CCDC178: variants seen among roughly 807,000 people sequenced by gnomAD.
CCDC178 encodes the protein coiled-coil domain-containing protein 178.
CCDC178 carries 126 observed loss-of-function variants against 117.4 expected under a neutral mutation model. That is an observed-to-expected ratio of 1.07 (90% CI 0.93 to 1.24). The LOEUF (loss-of-function observed/expected upper bound fraction) is 1.24. Among genes scored for constraint, CCDC178 ranks in the 50% most tolerant of loss-of-function variants. The pLI is 0.00. For missense variants in CCDC178, 1,030 were observed against 986.9 expected, an observed-to-expected ratio of 1.04 and a Z score of -0.59; for synonymous variants, 283 against 313.4, an observed-to-expected ratio of 0.90 and a Z score of 1.02.
chr18:32,973,200 A>C (rs2054964494), intron 22 of CCDC178, among the ~76,000 whole-genome samples: 1 of 152,312 alleles, frequency 6.6e-6, no homozygotes, highest in South Asian at 2.1e-4. Flanking sequence ...ATTTCTAATG[A>C]CATTTTTAAT....
intron 5 of CCDC178, among the ~76,000 whole-genome samples, chr18:33,387,181 C>G (rs909116385): frequency 2.0e-5 from 3 of 152,086 alleles, no homozygotes; most frequent in Non-Finnish European, 4.4e-5. Context: ...AGGAGTACTA[C>G]AAACCACTGC....
intron 21 of CCDC178, among the ~76,000 whole-genome samples, chr18:33,008,192 A>G (rs1048712131): frequency 6.6e-6 from 1 of 152,146 alleles, no homozygotes; most frequent in African/African-American, 2.4e-5. Flanking sequence ...CAAGTTTTCA[A>G]TCCCCAAGCC....
intron 21 of CCDC178, among the ~76,000 whole-genome samples, chr18:33,049,641 T>C (rs535744904): frequency 6.6e-6 from 1 of 152,322 alleles, no homozygotes. Flanking sequence ...GAGTGTTTGA[T>C]AAACACTGTT....
chr18:32,983,762 A>G (rs1173130170), intron 21 of CCDC178, among the ~76,000 whole-genome samples: 1 of 152,064 alleles, frequency 6.6e-6, no homozygotes, highest in Non-Finnish European at 1.5e-5. Context: ...TCAATTTCTG[A>G]CAGATAGATA....
intron 14 of CCDC178, among the ~76,000 whole-genome samples, chr18:33,262,746 G>A (rs66840695): frequency 0.067 from 10,253 of 152,142 alleles, 517 homozygotes; most frequent in African/African-American, 0.14. Flanking sequence ...CATCTTATCT[G>A]TGCCCCAAAA....
chr18:33,401,233 T>C lies in CCDC178; in HGVS notation c.59-4025A>G, dbSNP rs1289130869. ...TTGCAGGAAGTATTAAAATGTGACATTGATACATGAAGTTTTTCTACATGT... is the reference window on the plus strand; with the variant it reads ...TTGCAGGAAGTATTAAAATGTGACACTGATACATGAAGTTTTTCTACATGT... On this transcript the variant is annotated intron_variant, in intron 3 of 22. Coordinates refer to ENST00000383096, the MANE Select transcript of CCDC178 (RefSeq NM_001105528.4). Among the ~76,000 whole-genome samples the C allele has an allele frequency of 2.0e-5, 3 of 152,342 alleles. No homozygotes were observed. The East Asian group carries it at 5.8e-4, about 29-fold the overall frequency.
At chr18:33,379,444 G>A (rs748443147) in intron 5 of CCDC178, among the ~76,000 whole-genome samples, 9 of 151,990 alleles carry the variant, frequency 5.9e-5, no homozygotes, top group Non-Finnish European at 1.2e-4. Context: ...ACTGGGAGAA[G>A]CTCTTTTTTT....
At chr18:33,333,126 C>T (rs995464101) in intron 10 of CCDC178, 48 bp downstream of exon 10, 3 of 1,189,320 alleles carry the variant, frequency 2.5e-6, no homozygotes, top group African/African-American at 3.1e-5. Context: ...AAAGTTTTTG[C>T]ATAACTAAGT....
chr18:33,122,175 G>T (rs1251082586), intron 20 of CCDC178, among the ~76,000 whole-genome samples: 1 of 152,072 alleles, frequency 6.6e-6, no homozygotes, highest in Non-Finnish European at 1.5e-5. Context: ...TATACATTTT[G>T]CAAAAAGCTA....
chr18:33,189,669 G>A (rs932355994), intron 20 of CCDC178, among the ~76,000 whole-genome samples: 2 of 152,132 alleles, frequency 1.3e-5, no homozygotes, highest in African/African-American at 2.4e-5. Context: ...ATCAGAAGAA[G>A]TATTTGCAAT....
At chr18:33,162,459 G>T (rs531999167) in intron 20 of CCDC178, among the ~76,000 whole-genome samples, 1 of 151,928 alleles carries the variant, frequency 6.6e-6, no homozygotes, top group Admixed American at 6.6e-5. Flanking sequence ...TTAGGTTCAG[G>T]GTTACATGTA....
At chr18:33,438,287 C>T (rs890888055) in intron 2 of CCDC178, among the ~76,000 whole-genome samples, 3 of 152,104 alleles carry the variant, frequency 2.0e-5, no homozygotes, top group Admixed American at 6.5e-5. Context: ...TCAGCATCCC[C>T]ATGTCAACAA....
chr18:32,943,741 T>C (rs191024929), intron 22 of CCDC178, among the ~76,000 whole-genome samples: 2 of 152,310 alleles, frequency 1.3e-5, no homozygotes, highest in Admixed American at 1.3e-4. Context: ...TGATTACAGA[T>C]ATTCTGAAAT....
intron 2 of CCDC178, 74 bp from the exon 3 acceptor site, chr18:33,412,184 A>G: frequency 1.8e-6 from 1 of 570,406 alleles, no homozygotes; most frequent in Non-Finnish European, 3.0e-6. Context: ...AAAATTGTCA[A>G]TTCAAGAACT....
In CCDC178 at chr18:33,193,264, C is replaced by CA. The variant is rs59092607; in HGVS notation, c.2238+18631dup. On this transcript the variant is annotated intron_variant, in intron 20 of 22. Coordinates refer to ENST00000383096, the MANE Select transcript of CCDC178 (RefSeq NM_001105528.4). Reference sequence around the variant, plus strand: ...GGCAACAGAGCGAGACTCCGTCTCACAAAAAAAAAAAAAAAAAAAAAAAAA... The same window carrying CA: ...GGCAACAGAGCGAGACTCCGTCTCACAAAAAAAAAAAAAAAAAAAAAAAAAA... Among the ~76,000 whole-genome samples the CA allele has an allele frequency of 3.2e-4, 25 of 77,178 alleles. 1 individual carries two copies. Among genetic ancestry groups the CA allele is most frequent in the East Asian group, 1.8e-3 (4 of 2,170 alleles). The allele number at this position is 77,178 out of a possible 152,430, so 50.6% of individuals were successfully genotyped here.
At chr18:33,279,948 A>T (rs1599096321) in intron 12 of CCDC178, among the ~76,000 whole-genome samples, 2 of 152,246 alleles carry the variant, frequency 1.3e-5, no homozygotes, top group South Asian at 4.2e-4. Context: ...TACAAAAATT[A>T]ATTAAAGACG....
intron 6 of CCDC178, among the ~76,000 whole-genome samples, chr18:33,361,196 G>T (rs530069251): frequency 6.6e-6 from 1 of 151,432 alleles, no homozygotes; most frequent in Non-Finnish European, 1.5e-5. Context: ...AAACACAGAC[G>T]GACAACTAAT....
At chr18:33,172,318 C>A (rs2058611633) in intron 20 of CCDC178, among the ~76,000 whole-genome samples, 1 of 152,128 alleles carries the variant, frequency 6.6e-6, no homozygotes, top group Non-Finnish European at 1.5e-5. Flanking sequence ...TGACAAAAAT[C>A]TCCTGTCCCT....
intron 21 of CCDC178, among the ~76,000 whole-genome samples, chr18:33,084,640 G>A (rs1424810388): frequency 6.6e-6 from 1 of 151,532 alleles, no homozygotes; most frequent in South Asian, 2.1e-4. Context: ...CTGAAACCCC[G>A]TCTCTATTAA....
Sources: gnomAD v4.1 joint callset for allele counts (sites outside exome capture counted in the v4.1 genomes callset) on GRCh38, gnomAD v4.1.1 for gene constraint, MANE v1.5 for transcripts, NCBI Gene and HGNC (gene_info 2026-07-23, HGNC 2026-07-21) for gene names.